The following LRRC49 variants were observed in gnomAD, a reference collection of about 807,000 sequenced individuals.
LRRC49 encodes leucine rich repeat containing 49, also known as leucine-rich repeat-containing protein 49.
Under a neutral mutation model 83.3 loss-of-function variants are expected in LRRC49, and 50 were observed. The ratio of observed to expected loss-of-function variants is 0.60; its 90% confidence interval spans 0.48 to 0.76. The LOEUF is 0.76. Among genes scored for constraint, LRRC49 ranks in the 30% least tolerant of loss-of-function variants. The pLI is 0.00. For synonymous variants in LRRC49, 286 were observed against 283.3 expected (o/e 1.01, Z -0.10); for missense variants, 704 against 809.1 (o/e 0.87, Z 1.58).
intron 2 of LRRC49, among the ~76,000 whole-genome samples, chr15:70,883,910 C>T (rs1335838447): frequency 6.6e-6 from 1 of 152,082 alleles, no homozygotes; most frequent in Non-Finnish European, 1.5e-5. Context: ...CCTGCCTCAG[C>T]CTCCCAAAGT....
chr15:71,034,119 A>T (rs2039444781), intron 14 of LRRC49, among the ~76,000 whole-genome samples: 1 of 152,174 alleles, frequency 6.6e-6, no homozygotes, highest in Non-Finnish European at 1.5e-5. Context: ...ATGGGAGAAA[A>T]TTTTTGCAAG....
chr15:70,980,747 A>G (rs2037370360), intron 10 of LRRC49, among the ~76,000 whole-genome samples: 1 of 152,130 alleles, frequency 6.6e-6, no homozygotes, highest in African/African-American at 2.4e-5. Flanking sequence ...TTAACATTGC[A>G]AAGTATAAGT....
At chr15:71,037,356 G>A (rs374869287) in intron 15 of LRRC49, 24 bp downstream of exon 15, 12 of 1,562,448 alleles carry the variant, frequency 7.7e-6, no homozygotes, top group Middle Eastern at 1.7e-4. Context: ...TAATCTTTGC[G>A]ATCTAATGCC....
At chr15:70,917,463 A>G (rs572139338) in intron 6 of LRRC49, among the ~76,000 whole-genome samples, 11 of 152,260 alleles carry the variant, frequency 7.2e-5, no homozygotes, top group Non-Finnish European at 1.5e-4. Flanking sequence ...GAGAGGACCA[A>G]AGTACTCTAG....
intron 5 of LRRC49, chr15:70,908,016 G>A (rs1477905923): frequency 2.2e-6 from 1 of 456,000 alleles, no homozygotes; most frequent in Non-Finnish European, 4.4e-6. Context: ...CATTTCAGGT[G>A]TTGGGGGGTG....
chr15:70,964,304 GCTTT>G (rs1452513422), intron 9 of LRRC49, among the ~76,000 whole-genome samples: 1 of 152,098 alleles, frequency 6.6e-6, no homozygotes, highest in African/African-American at 2.4e-5. Flanking sequence ...TGGCTTGACT[GCTTT>G]CTAACGATAG....
chr15:70,907,850 A>G (rs1187314308), intron 5 of LRRC49: 1 of 411,334 alleles, frequency 2.4e-6, no homozygotes, highest in Non-Finnish European at 4.9e-6. Context: ...TTCAGGTCAC[A>G]TTGGTGTTAA....
chr15:70,912,881 G>A (rs2034606693), intron 6 of LRRC49, among the ~76,000 whole-genome samples: 1 of 152,130 alleles, frequency 6.6e-6, no homozygotes, highest in African/African-American at 2.4e-5. Flanking sequence ...GTTTCACCAT[G>A]TTAGCCAGGA....
intron 9 of LRRC49, among the ~76,000 whole-genome samples, chr15:70,974,424 C>A (rs777114846): frequency 1.3e-5 from 2 of 152,162 alleles, no homozygotes; most frequent in Non-Finnish European, 2.9e-5. Context: ...TTAATGCCAG[C>A]CTTTAGAGAA....
chr15:70,859,529 C>A, intron 1 of LRRC49: 2 of 675,030 alleles, frequency 3.0e-6, no homozygotes, highest in Non-Finnish European at 5.6e-6. Context: ...GATTGCCAAC[C>A]GCAGCCAGGC....
intron 11 of LRRC49, among the ~76,000 whole-genome samples, chr15:71,003,970 T>G (rs547485305): frequency 1.2e-4 from 19 of 152,212 alleles, no homozygotes; most frequent in Non-Finnish European, 1.8e-4. Context: ...GTTGATTGAC[T>G]TATCTGTCTG....
chr15:70,879,864 C>T (rs1264398567), intron 2 of LRRC49, among the ~76,000 whole-genome samples: 1 of 152,146 alleles, frequency 6.6e-6, no homozygotes, highest in Non-Finnish European at 1.5e-5. Context: ...TTTAAACTTA[C>T]TTTTCCAAGT....
intron 8 of LRRC49, among the ~76,000 whole-genome samples, chr15:70,938,173 C>G (rs1023633993): frequency 6.6e-6 from 1 of 151,950 alleles, no homozygotes; most frequent in African/African-American, 2.4e-5. Flanking sequence ...GTTCCCAGGT[C>G]CCCAGGATAT....
At chr15:70,874,783 A>C (rs116915077) in intron 2 of LRRC49, among the ~76,000 whole-genome samples, 1 of 152,248 alleles carries the variant, frequency 6.6e-6, no homozygotes, top group East Asian at 1.9e-4. Context: ...AAGCATTGGA[A>C]CAAGTACTGA....
chr15:70,864,970 C>G (rs2032879692), intron 1 of LRRC49, among the ~76,000 whole-genome samples: 1 of 152,186 alleles, frequency 6.6e-6, no homozygotes, highest in African/African-American at 2.4e-5. Context: ...GCTAGGCCCT[C>G]TATAACCCCA....
intron 11 of LRRC49, among the ~76,000 whole-genome samples, chr15:70,988,522 A>G (rs1464815053): frequency 1.3e-5 from 2 of 152,014 alleles, no homozygotes; most frequent in Non-Finnish European, 2.9e-5. Flanking sequence ...TTTTGAGCCT[A>G]TGTGTGTCTC....
intron 14 of LRRC49, among the ~76,000 whole-genome samples, chr15:71,032,098 G>T (rs1391312668): frequency 6.6e-6 from 1 of 152,178 alleles, no homozygotes; most frequent in South Asian, 2.1e-4. Flanking sequence ...CCAGTTTTGT[G>T]CTTGAAACTC....
intron 6 of LRRC49, among the ~76,000 whole-genome samples, chr15:70,916,069 T>C (rs1472777956): frequency 6.6e-6 from 1 of 152,184 alleles, no homozygotes; most frequent in African/African-American, 2.4e-5. Flanking sequence ...TCTCTAGTGA[T>C]TGTGAAATTC....
intron 1 of LRRC49, chr15:70,872,809 C>T (rs1479488764): frequency 2.5e-5 from 5 of 203,104 alleles, no homozygotes; most frequent in Non-Finnish European, 4.1e-5. Flanking sequence ...AGAAAGAGGA[C>T]GTTTTCTCCA....
Sources: gnomAD v4.1 joint callset for allele counts (sites outside exome capture counted in the v4.1 genomes callset) on GRCh38, gnomAD v4.1.1 for gene constraint, MANE v1.5 for transcripts, NCBI Gene and HGNC (gene_info 2026-07-23, HGNC 2026-07-21) for gene names.